ARHGEF38: variants seen among roughly 807,000 people sequenced by gnomAD.
ARHGEF38 encodes Rho guanine nucleotide exchange factor 38.
ARHGEF38 carries 79 observed loss-of-function variants against 79.9 expected under a neutral mutation model. The ratio of observed to expected loss-of-function variants is 0.99; its 90% confidence interval spans 0.82 to 1.19. The LOEUF is 1.19. Among genes scored for constraint, ARHGEF38 ranks in the 50% most tolerant of loss-of-function variants. The probability of loss-of-function intolerance (pLI) is 0.00; values close to 1 mark genes in which losing one functional copy is unlikely to be tolerated. For synonymous variants in ARHGEF38, 366 were observed against 328.3 expected (o/e 1.11, Z -1.24); for missense variants, 962 against 907.2 (o/e 1.06, Z -0.78).
chr4:105,569,570 G>A (rs1234023519), intron 1 of ARHGEF38, among the ~76,000 whole-genome samples: 1 of 152,154 alleles, frequency 6.6e-6, no homozygotes, highest in Non-Finnish European at 1.5e-5. Context: ...GAGGTTTCTG[G>A]TATGTCAGAC....
chr4:105,585,015 C>T (rs58583603), intron 1 of ARHGEF38, among the ~76,000 whole-genome samples: 16,446 of 152,130 alleles, frequency 0.11, 939 homozygotes, highest in Middle Eastern at 0.18. Flanking sequence ...AAGCAGCATC[C>T]CTATTTTTTT....
At chr4:105,568,533 A>G (rs1467653942) in intron 1 of ARHGEF38, among the ~76,000 whole-genome samples, 2 of 152,224 alleles carry the variant, frequency 1.3e-5, no homozygotes, top group African/African-American at 4.8e-5. Flanking sequence ...ATAAAGATAT[A>G]AAGTTTTTTA....
chr4:105,553,050 A>G (rs1269944777), intron 1 of ARHGEF38, 89 bp downstream of exon 1: 7 of 1,066,318 alleles, frequency 6.6e-6, no homozygotes, highest in African/African-American at 1.6e-5. Flanking sequence ...CACACAAGGC[A>G]GAGGGGAAAA....
rs1578310197 is a variant in ARHGEF38, at chr4:105,612,066, T to C, written c.385-1318T>C. On this transcript the variant is annotated intron_variant, in intron 2 of 13. Coordinates refer to ENST00000420470, the MANE Select transcript of ARHGEF38 (RefSeq NM_001242729.2). ...TGTGAAGTCATGCTTCCACATTCAA[T>C]GACAGAATATCCTTACCAAAATAAT... 6.6e-5 allele frequency among the ~76,000 whole-genome samples: 10 copies of C among 152,200 alleles called. No homozygotes were observed. The South Asian group carries it at 2.1e-3, about 32-fold the overall frequency.
At chr4:105,625,442 G>A (rs186335810) in intron 3 of ARHGEF38, among the ~76,000 whole-genome samples, 3 of 152,326 alleles carry the variant, frequency 2.0e-5, no homozygotes, top group Admixed American at 2.0e-4. Context: ...AGTCTGAAGG[G>A]GATGTGTTCT....
intron 13 of ARHGEF38, among the ~76,000 whole-genome samples, chr4:105,669,815 C>CT (rs1157589988): frequency 1.2e-4 from 18 of 152,150 alleles, no homozygotes; most frequent in Admixed American, 6.5e-4. Context: ...ACCCCTAACC[C>CT]CAGGGAACCA....
intron 2 of ARHGEF38, among the ~76,000 whole-genome samples, chr4:105,589,994 C>T (rs1290821826): frequency 2.0e-5 from 3 of 148,558 alleles, no homozygotes; most frequent in East Asian, 2.0e-4. Flanking sequence ...AGCCAAATCG[C>T]GCCATTGCAC....
intron 5 of ARHGEF38, among the ~76,000 whole-genome samples, chr4:105,643,250 C>A (rs1312144210): frequency 1.3e-5 from 2 of 151,914 alleles, no homozygotes; most frequent in Admixed American, 1.3e-4. Context: ...TCCTTCCCTC[C>A]CTCTTTCCGA....
At chr4:105,603,491 A>T (rs187920855) in intron 2 of ARHGEF38, among the ~76,000 whole-genome samples, 13 of 152,248 alleles carry the variant, frequency 8.5e-5, no homozygotes, top group African/African-American at 3.1e-4. Flanking sequence ...GCACTCTTAC[A>T]GGTACTTTCC....
At chr4:105,617,394 G>A (rs984876792) in intron 3 of ARHGEF38, among the ~76,000 whole-genome samples, 7 of 152,126 alleles carry the variant, frequency 4.6e-5, no homozygotes, top group Non-Finnish European at 8.8e-5. Flanking sequence ...AGTAAAAACT[G>A]TAGTGAAAAT....
intron 2 of ARHGEF38, among the ~76,000 whole-genome samples, chr4:105,606,364 A>G (rs1728041020): frequency 6.6e-6 from 1 of 152,056 alleles, no homozygotes; most frequent in East Asian, 1.9e-4. Flanking sequence ...TATTAAATAT[A>G]TATGTCATGC....
chr4:105,680,846 T>C lies in ARHGEF38; in HGVS notation c.*2909T>C, dbSNP rs140152628. ...TCTCAACTCTATGTAGCACGTATTTTCCATGATGGGATAAATGTTTTCATT... is the reference window on the plus strand; with the variant it reads ...TCTCAACTCTATGTAGCACGTATTTCCCATGATGGGATAAATGTTTTCATT... On this transcript the variant is annotated 3_prime_UTR_variant, in exon 14 of 14. Transcript: ENST00000420470. The C allele has an allele frequency of 5.9e-4, 90 of 152,308 alleles. No individual in the cohort carries two copies. The highest frequency in any genetic ancestry group is 2.2e-3 in the African/African-American group (90 of 41,576). 9.4% of individuals were successfully genotyped at this position (152,308 alleles called of 1,614,324 possible). A position where few individuals can be genotyped will look rare whatever the true frequency, so the allele number is the denominator to read the frequency against.
chr4:105,569,755 A>G (rs1019826829), intron 1 of ARHGEF38: 1 of 152,226 alleles, frequency 6.6e-6, no homozygotes, highest in Non-Finnish European at 1.5e-5. Context: ...CAGCTTCTGC[A>G]TGCGTAAAAG....
intron 4 of ARHGEF38, among the ~76,000 whole-genome samples, chr4:105,631,894 A>T (rs563517353): frequency 1.3e-5 from 2 of 152,274 alleles, no homozygotes; most frequent in Admixed American, 1.3e-4. Context: ...AGTAGTATCC[A>T]CTGTCAAATA....
chr4:105,576,734 T>G (rs1484407542), intron 1 of ARHGEF38, among the ~76,000 whole-genome samples: 1 of 151,582 alleles, frequency 6.6e-6, no homozygotes, highest in African/African-American at 2.4e-5. Context: ...AAAGTGGGCA[T>G]CCTTGTCTTT....
intron 2 of ARHGEF38, among the ~76,000 whole-genome samples, chr4:105,593,423 G>A (rs1380793521): frequency 1.3e-5 from 2 of 151,920 alleles, no homozygotes; most frequent in Admixed American, 1.3e-4. Context: ...CTGTAGTCCA[G>A]GCTACTCAGG....
At chr4:105,576,076 A>T (rs1726483432) in intron 1 of ARHGEF38, among the ~76,000 whole-genome samples, 1 of 152,156 alleles carries the variant, frequency 6.6e-6, no homozygotes, top group Non-Finnish European at 1.5e-5. Context: ...AAAGTCCAGT[A>T]ATGTGATGTC....
At chr4:105,556,648 A>G (rs980601678) in intron 1 of ARHGEF38, among the ~76,000 whole-genome samples, 1 of 152,026 alleles carries the variant, frequency 6.6e-6, no homozygotes, top group Non-Finnish European at 1.5e-5. Context: ...CTCCCCGCTC[A>G]TACACCATGA....
At chr4:105,602,117 T>C (rs1727847633) in intron 2 of ARHGEF38, among the ~76,000 whole-genome samples, 1 of 152,126 alleles carries the variant, frequency 6.6e-6, no homozygotes, top group Non-Finnish European at 1.5e-5. Context: ...TTGCACTGAG[T>C]AAACATTGGT....
Sources: gnomAD v4.1 joint callset for allele counts (sites outside exome capture counted in the v4.1 genomes callset) on GRCh38, gnomAD v4.1.1 for gene constraint, MANE v1.5 for transcripts, NCBI Gene and HGNC (gene_info 2026-07-23, HGNC 2026-07-21) for gene names.